CRIM1: variants seen among roughly 807,000 people sequenced by gnomAD.
CRIM1 encodes cysteine rich transmembrane BMP regulator 1, also known as cysteine-rich motor neuron 1 protein.
A neutral mutation model predicts 116.4 loss-of-function variants in CRIM1; 32 were observed. The observed-to-expected ratio is 0.27, with a 90% CI of 0.21 to 0.37. The LOEUF (loss-of-function observed/expected upper bound fraction) is 0.37. CRIM1 is among the 10% of genes least tolerant of loss of function. CRIM1 has a pLI of 1.00. For synonymous variants in CRIM1, 590 were observed against 509.2 expected, an observed-to-expected ratio of 1.16 and a Z score of -2.13; for missense variants, 1,331 against 1,354.8, an observed-to-expected ratio of 0.98 and a Z score of 0.28.
At chr2:36,477,893 C>G (rs575992188) in intron 6 of CRIM1, among the ~76,000 whole-genome samples, 208 of 152,288 alleles carry the variant, frequency 1.4e-3, no homozygotes, top group Middle Eastern at 3.4e-3. Flanking sequence ...GTAACAATAA[C>G]CCCGTGCCTG....
intron 11 of CRIM1, among the ~76,000 whole-genome samples, chr2:36,515,202 C>T (rs963376811): frequency 1.3e-5 from 2 of 152,172 alleles, no homozygotes; most frequent in African/African-American, 4.8e-5. Flanking sequence ...AACATGTCCT[C>T]AATGAAGAAT....
At chr2:36,520,632 T>C (rs1193681980) in intron 12 of CRIM1, among the ~76,000 whole-genome samples, 1 of 152,146 alleles carries the variant, frequency 6.6e-6, no homozygotes, top group Non-Finnish European at 1.5e-5. Context: ...TTGGGACTAG[T>C]CATAGGAGAT....
At chr2:36,385,908 CAGA>C (rs139160092) in intron 1 of CRIM1, among the ~76,000 whole-genome samples, 124 of 152,286 alleles carry the variant, frequency 8.1e-4, no homozygotes, top group African/African-American at 2.7e-3. Flanking sequence ...TAGCTGTTAT[CAGA>C]AGATTAGTCT....
At chr2:36,546,320 C>T (rs1667325918) in intron 15 of CRIM1, among the ~76,000 whole-genome samples, 1 of 152,048 alleles carries the variant, frequency 6.6e-6, no homozygotes, top group African/African-American at 2.4e-5. Flanking sequence ...TTTAAAAGAA[C>T]ATAAAGGTCA....
chr2:36,430,986 C>T (rs868302668), intron 2 of CRIM1, among the ~76,000 whole-genome samples: 9 of 152,072 alleles, frequency 5.9e-5, no homozygotes, highest in Middle Eastern at 3.2e-3. Flanking sequence ...AGAGTGGAGA[C>T]GATTTATAAA....
chr2:36,465,942 G>A (rs1392344701), intron 5 of CRIM1, among the ~76,000 whole-genome samples: 9 of 151,230 alleles, frequency 6.0e-5, no homozygotes, highest in Middle Eastern at 3.2e-3. Context: ...CTGGAGTGCA[G>A]TGGCGCAATC....
chr2:36,434,619 G>A (rs546961188), intron 2 of CRIM1, among the ~76,000 whole-genome samples: 3 of 152,354 alleles, frequency 2.0e-5, no homozygotes, highest in Middle Eastern at 6.8e-3. Flanking sequence ...TGCCCCACAC[G>A]TAGGAGATGC....
At chr2:36,493,245 AAG>A (rs1382578866) in intron 7 of CRIM1, among the ~76,000 whole-genome samples, 57 of 152,224 alleles carry the variant, frequency 3.7e-4, no homozygotes, top group African/African-American at 1.3e-3. Flanking sequence ...CTCATCTCGA[AAG>A]AAGAAGAAGA....
rs1230231201 is a variant in CRIM1, at chr2:36,481,278, C to T, written c.1372+1584C>T. Among the ~76,000 whole-genome samples, 3 of 152,136 alleles carry T rather than the reference C, an allele frequency of 2.0e-5. No individual in the cohort carries two copies. The East Asian group carries it at 5.8e-4, about 29-fold the overall frequency. The stretch of plus-strand genomic sequence containing the variant: ...GTGGAGAAGGAAGGCAGTTGGTGAA[C>T]AGGTAGATATATATATAACTCATTT... On this transcript the variant is annotated intron_variant, in intron 7 of 16. Transcript: ENST00000280527.
chr2:36,547,206 G>C (rs370524700), intron 16 of CRIM1, 35 bp downstream of exon 16: 3 of 1,541,828 alleles, frequency 1.9e-6, no homozygotes, highest in Non-Finnish European at 1.8e-6. Context: ...CTTGAATGAT[G>C]AATCTAGGAA....
At chr2:36,531,119 T>A (rs745455366) in intron 13 of CRIM1, among the ~76,000 whole-genome samples, 1 of 152,316 alleles carries the variant, frequency 6.6e-6, no homozygotes, top group East Asian at 1.9e-4. Flanking sequence ...GATCCCAGAG[T>A]AAATTACTTT....
chr2:36,390,997 A>AT (rs1671536776), intron 1 of CRIM1, among the ~76,000 whole-genome samples: 1 of 151,424 alleles, frequency 6.6e-6, no homozygotes, highest in African/African-American at 2.4e-5. Context: ...TTTTGTAGAG[A>AT]CAGGGTTTCG....
chr2:36,511,234 C>T (rs561021499), intron 9 of CRIM1, among the ~76,000 whole-genome samples: 1 of 152,152 alleles, frequency 6.6e-6, no homozygotes, highest in African/African-American at 2.4e-5. Flanking sequence ...AGCCACTGTG[C>T]CTGGCCTAGT....
intron 8 of CRIM1, among the ~76,000 whole-genome samples, chr2:36,509,120 T>C (rs981041812): frequency 3.9e-5 from 6 of 152,200 alleles, no homozygotes; most frequent in Admixed American, 3.3e-4. Context: ...AGATGTACTT[T>C]TTTGAAAGTA....
At position 36,356,607 on chromosome 2, in the gene CRIM1, A is replaced by T. The variant is rs1303466793; in HGVS notation, c.315A>T (p.Glu105Asp). The change falls in exon 1 of 17, where the codon GAA becomes GAT. Residue 105 changes from glutamate (E) to aspartate (D), a missense_variant. Physicochemically the swap from Glu to Asp is conservative, Grantham distance 45. Around this residue, in one of 3 missense-constraint regions of CRIM1, gnomAD observed 690 missense variants for 676.0 expected, o/e 1.02. Transcript: ENST00000280527. The surrounding 1 kb of genome is among the most constrained non-coding windows in gnomAD (Gnocchi z 4.3). ...ATGGCGACTCCCTCACCGAGTACGA[A>T]GCGGGCGTTTGCGAAGGTACGGCCG... ...PLNGDSLTEY[E>D]AGVCEDENWT... The T allele has an allele frequency of 9.9e-6, 16 of 1,608,422 alleles. No individual in the cohort carries two copies. Among genetic ancestry groups the T allele is most frequent in the Non-Finnish European group, 1.4e-5 (16 of 1,178,298 alleles).
intron 12 of CRIM1, among the ~76,000 whole-genome samples, chr2:36,520,661 G>A (rs1476409652): frequency 6.6e-6 from 1 of 152,194 alleles, no homozygotes; most frequent in Admixed American, 6.5e-5. Flanking sequence ...TCAGTTTAAA[G>A]GAGAGGGTAT....
At chr2:36,369,828 G>A (rs545948381) in intron 1 of CRIM1, among the ~76,000 whole-genome samples, 80 of 152,294 alleles carry the variant, frequency 5.3e-4, no homozygotes, top group Non-Finnish European at 8.1e-4. Flanking sequence ...TTGAGAGACA[G>A]GAAGCTAATT....
chr2:36,356,286 C>G lies in CRIM1; in HGVS notation c.-7C>G, dbSNP rs779167344. On this transcript the variant is annotated 5_prime_UTR_variant, in exon 1 of 17. Coordinates refer to ENST00000280527, the MANE Select transcript of CRIM1 (RefSeq NM_016441.3). This position sits in a 1 kb window ranked among gnomAD's most constrained non-coding sequence, Gnocchi z 4.3. ...CTGCGAGGAGGAGGCGGCGGCGGCG[C>G]AGGAGGATGTACTTGGTGGCGGGGG... The G allele has an allele frequency of 4.8e-6, 7 of 1,461,918 alleles. No individual in the cohort carries two copies. The highest frequency in any genetic ancestry group is 1.5e-5 in the African/African-American group (1 of 68,792). The allele number at this position is 1,461,918 out of a possible 1,614,324, so 90.6% of individuals were successfully genotyped here. A position where few individuals can be genotyped will look rare whatever the true frequency, so the allele number is the denominator to read the frequency against.
chr2:36,544,319 A>G (rs1016587687), intron 14 of CRIM1, 57 bp from the exon 15 acceptor site: 1 of 1,311,288 alleles, frequency 7.6e-7, no homozygotes, highest in East Asian at 2.8e-5. Context: ...TGAGAATACA[A>G]AAGCCAACAA....
Sources: allele counts gnomAD v4.1 joint callset (sites outside exome capture counted in the v4.1 genomes callset), GRCh38; gene constraint gnomAD v4.1.1; regional missense constraint gnomAD v4.1.1; non-coding constraint Gnocchi (gnomAD v3.1); transcripts MANE v1.5; gene names NCBI Gene and HGNC (gene_info 2026-07-23, HGNC 2026-07-21).